Variants in LEPR observed in about 807,000 individuals in gnomAD.
LEPR encodes OB receptor.
A neutral mutation model predicts 114.7 loss-of-function variants in LEPR; 56 were observed. That is an observed-to-expected ratio of 0.49 (90% CI 0.39 to 0.61). LEPR has a LOEUF of 0.61. LEPR is among the 20% of genes least tolerant of loss of function. The pLI, the probability that LEPR is intolerant of heterozygous loss-of-function variation, is 0.00. For missense variants in LEPR, 1,202 were observed against 1,352.9 expected, an observed-to-expected ratio of 0.89 and a Z score of 1.75; for synonymous variants, 443 against 461.4, an observed-to-expected ratio of 0.96 and a Z score of 0.51.
At chr1:65,432,544 G>C (rs1360303893) in intron 2 of LEPR, 1 of 851,050 alleles carries the variant, frequency 1.2e-6, no homozygotes, top group Admixed American at 6.5e-5. Flanking sequence ...TAACCTCTCT[G>C]GGTGTTACCT....
At chr1:65,598,876 C>T in intron 8 of LEPR, 72 bp downstream of exon 8, 2 of 1,603,002 alleles carry the variant, frequency 1.2e-6, no homozygotes, top group Non-Finnish European at 1.7e-6. Flanking sequence ...ATAGTATAAG[C>T]ATCTTACATT....
intron 2 of LEPR, among the ~76,000 whole-genome samples, chr1:65,520,085 G>A (rs897775494): frequency 6.6e-6 from 1 of 152,070 alleles, no homozygotes; most frequent in Non-Finnish European, 1.5e-5. Context: ...GAATGGTCTC[G>A]ATCTCCTGAC....
chr1:65,545,259 A>G lies in LEPR; in HGVS notation c.-20-20287A>G, dbSNP rs1372281140. Among the ~76,000 whole-genome samples, 83 of 150,832 alleles carry G rather than the reference A, an allele frequency of 5.5e-4. 1 individual carries two copies. The highest frequency in any genetic ancestry group is 5.4e-3 in the Admixed American group (82 of 15,106). The stretch of plus-strand genomic sequence containing the variant: ...CTTTGCTATTGTGAATAGTGCCGCA[A>G]TAAACATACGTGTGCATGTGTCTTT... On this transcript the variant is annotated intron_variant, in intron 2 of 19. Coordinates refer to ENST00000349533, the MANE Select transcript of LEPR (RefSeq NM_002303.6).
intron 1 of LEPR, among the ~76,000 whole-genome samples, 178 bp downstream of exon 1, chr1:65,420,918 C>T (rs1181708029): frequency 6.6e-6 from 1 of 152,212 alleles, no homozygotes; most frequent in Non-Finnish European, 1.5e-5. Flanking sequence ...GGTGGAGCGG[C>T]GTTTCGGGGG....
At chr1:65,550,475 C>G (rs1331191658) in intron 2 of LEPR, among the ~76,000 whole-genome samples, 3 of 152,232 alleles carry the variant, frequency 2.0e-5, no homozygotes, top group Non-Finnish European at 2.9e-5. Flanking sequence ...CCACCCAGTT[C>G]GAGCTTCCTG....
At chr1:65,461,036 T>G (rs1224197751) in intron 2 of LEPR, among the ~76,000 whole-genome samples, 1 of 149,394 alleles carries the variant, frequency 6.7e-6, no homozygotes, top group Non-Finnish European at 1.5e-5. Context: ...AGTGCAATGG[T>G]GGAATCTTGG....
intron 2 of LEPR, among the ~76,000 whole-genome samples, chr1:65,472,187 C>T (rs890500216): frequency 7.3e-5 from 11 of 150,016 alleles, no homozygotes; most frequent in African/African-American, 2.7e-4. Context: ...ACCAAACATC[C>T]GTTTTTTTTA....
intron 5 of LEPR, among the ~76,000 whole-genome samples, chr1:65,589,622 T>A (rs1655552533): frequency 6.6e-6 from 1 of 152,104 alleles, no homozygotes; most frequent in Admixed American, 6.6e-5. Flanking sequence ...TTAAAGTTCT[T>A]TTCTTTTATT....
In LEPR at chr1:65,525,985, C is replaced by G. The variant is rs780918424; in HGVS notation, c.-20-39561C>G. On this transcript the variant is annotated intron_variant, in intron 2 of 19. Transcript: ENST00000349533. ...CGGGACCACCAGAGGGGCCAGCGCCCGGCGGGCGGCGGGGGTGGGGTGGGT... is the reference window on the plus strand; with the variant it reads ...CGGGACCACCAGAGGGGCCAGCGCCGGGCGGGCGGCGGGGGTGGGGTGGGT... 8.7e-4 allele frequency: 654 copies of G among 753,396 alleles called. 1 individual carries two copies. Among genetic ancestry groups the G allele is most frequent in the Non-Finnish European group, 1.0e-3 (627 of 618,918 alleles). 46.7% of individuals were successfully genotyped at this position (753,396 alleles called of 1,614,324 possible).
chr1:65,440,510 T>G (rs1211386001), intron 2 of LEPR, among the ~76,000 whole-genome samples: 1 of 152,122 alleles, frequency 6.6e-6, no homozygotes, highest in African/African-American at 2.4e-5. Flanking sequence ...TGACGGTGGC[T>G]TCTGTTTAAG....
In LEPR at chr1:65,601,887, A is replaced by G; in HGVS notation, c.1330A>G (p.Lys444Glu). 1 of 1,613,718 alleles carries G rather than the reference A, an allele frequency of 6.2e-7. No individual in the cohort carries two copies. The highest frequency in any genetic ancestry group is 1.1e-5 in the South Asian group (1 of 91,068). ...ATGTGAAACTGATGGGTACTTAACT[A>G]AAATGACTTGCAGATGGTCAACCAG... is the stretch of plus-strand genomic sequence containing the variant. ...ISCETDGYLT[K>E]MTCRWSTSTI... is the part of the protein sequence containing the mutation. Residue 444 changes from lysine (K) to glutamate (E), a missense_variant, in exon 10 of 20, where the codon AAA becomes GAA. Transcript: ENST00000349533.
intron 5 of LEPR, among the ~76,000 whole-genome samples, chr1:65,591,610 A>G (rs952394425): frequency 2.0e-5 from 3 of 152,050 alleles, no homozygotes; most frequent in African/African-American, 7.2e-5. Context: ...ACTGCTTTGA[A>G]ATCTACTTTC....
intron 2 of LEPR, among the ~76,000 whole-genome samples, chr1:65,457,997 T>C (rs1646898985): frequency 6.6e-6 from 1 of 152,208 alleles, no homozygotes; most frequent in Admixed American, 6.5e-5. Context: ...CATGAATACC[T>C]ACAAAGTTGA....
intron 6 of LEPR, among the ~76,000 whole-genome samples, chr1:65,595,839 A>G (rs959786931): frequency 2.0e-5 from 3 of 152,086 alleles, no homozygotes; most frequent in African/African-American, 7.2e-5. Flanking sequence ...ATGTGTGTTA[A>G]ACTTTCAAAA....
chr1:65,455,112 A>G (rs11585252), intron 2 of LEPR, among the ~76,000 whole-genome samples: 6,620 of 152,024 alleles, frequency 0.044, 185 homozygotes, highest in South Asian at 0.1. Flanking sequence ...CGTAGTTCTC[A>G]AGCCTTGGTT....
At position 65,633,109 on chromosome 1, in the gene LEPR, T is replaced by A; in HGVS notation, c.2674-3082T>A. On this transcript the variant is annotated intron_variant, in intron 19 of 19. Transcript: ENST00000349533. This position sits in a 1 kb window ranked among gnomAD's most constrained non-coding sequence, Gnocchi z 4.1. ...TTTTATCTTTTTCTTTGTGAGTGAT[T>A]TTTTATTTTGCTTTCTTATTTTGTT... The A allele has an allele frequency of 7.5e-7, 1 of 1,335,116 alleles. No homozygotes were observed. The highest frequency in any genetic ancestry group is 1.1e-6 in the Non-Finnish European group (1 of 934,048). The allele number at this position is 1,335,116 out of a possible 1,614,324, so 82.7% of individuals were successfully genotyped here.
intron 2 of LEPR, among the ~76,000 whole-genome samples, chr1:65,502,142 T>C (rs935463115): frequency 1.1e-4 from 16 of 152,248 alleles, no homozygotes; most frequent in African/African-American, 3.8e-4. Flanking sequence ...AGAAGGTAAC[T>C]GTATTTGGAG....
chr1:65,511,162 A>T (rs1318650230), intron 2 of LEPR, among the ~76,000 whole-genome samples: 1 of 152,198 alleles, frequency 6.6e-6, no homozygotes, highest in Non-Finnish European at 1.5e-5. Flanking sequence ...TTTCTGACAA[A>T]CAGTAACATC....
intron 2 of LEPR, among the ~76,000 whole-genome samples, chr1:65,436,342 A>G (rs1187767621): frequency 1.3e-5 from 2 of 152,204 alleles, no homozygotes; most frequent in Non-Finnish European, 2.9e-5. Context: ...TTTGCACACT[A>G]CAGAAAAGAA....
Sources: allele counts gnomAD v4.1 joint callset (sites outside exome capture counted in the v4.1 genomes callset), GRCh38; gene constraint gnomAD v4.1.1; non-coding constraint Gnocchi (gnomAD v3.1); transcripts MANE v1.5; gene names NCBI Gene and HGNC (gene_info 2026-07-23, HGNC 2026-07-21).